Variants in TLE4 observed in about 807,000 individuals in gnomAD.
The protein encoded by TLE4 is TLE family member 4, transcriptional corepressor.
TLE4 carries 8 observed loss-of-function variants against 92.8 expected under a neutral mutation model. That is an observed-to-expected ratio of 0.09 (90% CI 0.05 to 0.16). The LOEUF is 0.16. Ranked by LOEUF, TLE4 falls within the 10% of genes least tolerant of loss-of-function variation. The pLI, the probability that TLE4 is intolerant of heterozygous loss-of-function variation, is 1.00. For missense variants in TLE4, 675 were observed against 997.6 expected, an observed-to-expected ratio of 0.68 and a Z score of 4.36; for synonymous variants, 371 against 374.1, an observed-to-expected ratio of 0.99 and a Z score of 0.10.
At chr9:79,661,630 A>G (rs1303632487) in intron 8 of TLE4, among the ~76,000 whole-genome samples, 1 of 152,250 alleles carries the variant, frequency 6.6e-6, no homozygotes, top group Non-Finnish European at 1.5e-5. Flanking sequence ...TGAAGATAAT[A>G]CAGTTATTTC....
At chr9:79,610,546 A>AC (rs919454036) in intron 4 of TLE4, among the ~76,000 whole-genome samples, 9 of 151,012 alleles carry the variant, frequency 6.0e-5, no homozygotes, top group South Asian at 4.2e-4. Flanking sequence ...CACACACCCC[A>AC]CCCCCCCACT....
chr9:79,599,150 TATC>T (rs1487011329), intron 4 of TLE4, among the ~76,000 whole-genome samples: 1 of 152,186 alleles, frequency 6.6e-6, no homozygotes, highest in Non-Finnish European at 1.5e-5. Flanking sequence ...GTCTGGTACT[TATC>T]ATAACTTTCC....
intron 2 of TLE4, 132 bp from the exon 3 acceptor site, chr9:79,574,741 T>A (rs1244905134): frequency 1.4e-6 from 1 of 698,858 alleles, no homozygotes; most frequent in South Asian, 1.8e-5. Context: ...CCCTTCCCTT[T>A]CCATAATGAT....
chr9:79,660,633 AG>A (rs1482317386), intron 8 of TLE4, among the ~76,000 whole-genome samples: 1 of 152,232 alleles, frequency 6.6e-6, no homozygotes, highest in Non-Finnish European at 1.5e-5. Context: ...ACAGTTAAGA[AG>A]TTTTGTTCTA....
intron 8 of TLE4, among the ~76,000 whole-genome samples, chr9:79,692,987 A>T (rs2067397406): frequency 6.6e-6 from 1 of 152,200 alleles, no homozygotes. Context: ...GCTAGGAGTC[A>T]CACAGTTGAT....
chr9:79,704,049 ACAAAC>A (rs1220737711), intron 8 of TLE4, among the ~76,000 whole-genome samples: 1 of 152,034 alleles, frequency 6.6e-6, no homozygotes, highest in African/African-American at 2.4e-5. Flanking sequence ...ACAAAACAAA[ACAAAC>A]AAACAAAAAA....
chr9:79,719,093 A>G (rs2075119247), intron 15 of TLE4, 122 bp downstream of exon 15: 1 of 1,391,932 alleles, frequency 7.2e-7, no homozygotes, highest in Non-Finnish European at 9.6e-7. Flanking sequence ...GTTGCTCTTC[A>G]GGGGACTGCG....
At chr9:79,654,961 G>A (rs1297685006) in intron 8 of TLE4, among the ~76,000 whole-genome samples, 1 of 152,164 alleles carries the variant, frequency 6.6e-6, no homozygotes, top group Non-Finnish European at 1.5e-5. Flanking sequence ...GGCCAACATG[G>A]CGAAACCCCG....
At chr9:79,582,356 A>G (rs552029656) in intron 4 of TLE4, among the ~76,000 whole-genome samples, 26 of 152,244 alleles carry the variant, frequency 1.7e-4, no homozygotes, top group Middle Eastern at 3.4e-3. Context: ...TTGATGGGCA[A>G]AGTTCTTTGT....
Position 79,652,605 on chromosome 9 carries a change from G to A in TLE4, c.403G>A (p.Ala135Thr). 4.3e-6 allele frequency: 7 copies of A among 1,614,078 alleles called. No individual in the cohort carries two copies. Among genetic ancestry groups the A allele is most frequent in the Non-Finnish European group, 5.9e-6 (7 of 1,180,012 alleles). The change falls in exon 7 of 20, where the codon GCC (alanine) becomes ACC (threonine). Residue 135 changes from alanine (A) to threonine (T), a missense_variant. Transcript: ENST00000376552. ...TTTTTCACAGCAGCAACAACTCCAG[G>A]CCCAGCATTTATCACATGGACATGG... ...LNAIIGQQLQAQHLSHGHGLP... is the reference protein window; with the variant it reads ...LNAIIGQQLQTQHLSHGHGLP...
Position 79,572,489 on chromosome 9 carries a change from G to C in TLE4, c.-302G>C, listed in dbSNP as rs2036073381. On this transcript the variant is annotated 5_prime_UTR_variant, in exon 1 of 20. Transcript: ENST00000376552. Reference sequence around the variant, plus strand: ...GAGCGGCGGCCGCGGCGCCGGGCTCGGCGGGTGCGCCTCGGCGGAGCGAAC... The same window carrying C: ...GAGCGGCGGCCGCGGCGCCGGGCTCCGCGGGTGCGCCTCGGCGGAGCGAAC... 6.5e-6 allele frequency: 1 copy of C among 153,758 alleles called. No individual in the cohort carries two copies. The highest frequency in any genetic ancestry group is 2.0e-4 in the South Asian group (1 of 4,958). 9.5% of individuals were successfully genotyped at this position (153,758 alleles called of 1,614,324 possible).
intron 6 of TLE4, among the ~76,000 whole-genome samples, chr9:79,631,267 A>G (rs1256122403): frequency 6.6e-6 from 1 of 152,218 alleles, no homozygotes; most frequent in Non-Finnish European, 1.5e-5. Context: ...AGTAAAACTG[A>G]TTAAAATGTT....
intron 8 of TLE4, among the ~76,000 whole-genome samples, chr9:79,680,094 A>T (rs1385698235): frequency 1.3e-5 from 2 of 152,008 alleles, no homozygotes; most frequent in African/African-American, 4.8e-5. Flanking sequence ...TGACTTCGTG[A>T]TGCAGGCTCT....
chr9:79,698,586 A>G (rs2068877347), intron 8 of TLE4, among the ~76,000 whole-genome samples: 1 of 152,120 alleles, frequency 6.6e-6, no homozygotes, highest in Admixed American at 6.5e-5. Flanking sequence ...TGAGAGTTTT[A>G]TACAGATTGT....
chr9:79,577,220 C>T (rs2038103856), intron 4 of TLE4, among the ~76,000 whole-genome samples: 1 of 152,026 alleles, frequency 6.6e-6, no homozygotes. Context: ...TACTATTAGG[C>T]CTTCACTATT....
At chr9:79,623,774 T>C (rs2051728029) in intron 5 of TLE4, among the ~76,000 whole-genome samples, 1 of 152,054 alleles carries the variant, frequency 6.6e-6, no homozygotes, top group Admixed American at 6.6e-5. Context: ...ATTGGGCATT[T>C]GTTTTGTCTC....
intron 14 of TLE4, among the ~76,000 whole-genome samples, chr9:79,710,813 G>C (rs1331723030): frequency 6.6e-6 from 1 of 151,884 alleles, no homozygotes; most frequent in Non-Finnish European, 1.5e-5. Flanking sequence ...TCTCCCTCTT[G>C]ACTATAAGTT....
At chr9:79,575,892 T>C (rs1484920733) in intron 3 of TLE4, 3 of 338,002 alleles carry the variant, frequency 8.9e-6, no homozygotes, top group South Asian at 3.0e-4. Context: ...AAACTGGAGA[T>C]GTTAAGAATG....
chr9:79,600,084 G>C (rs888534761), intron 4 of TLE4, among the ~76,000 whole-genome samples: 2 of 152,126 alleles, frequency 1.3e-5, no homozygotes, highest in Non-Finnish European at 2.9e-5. Flanking sequence ...AAAAATACAC[G>C]GGCAGTAATG....
Sources: gnomAD v4.1 joint callset for allele counts (sites outside exome capture counted in the v4.1 genomes callset) on GRCh38, gnomAD v4.1.1 for gene constraint, MANE v1.5 for transcripts, NCBI Gene and HGNC (gene_info 2026-07-23, HGNC 2026-07-21) for gene names.